Variants in COL27A1 observed in about 807,000 individuals in gnomAD.
COL27A1 encodes the protein collagen type XXVII alpha 1 chain, also known as collagen alpha-1(XXVII) chain.
In COL27A1, 106 loss-of-function variants were observed where a neutral mutation model predicts 251.3. The observed-to-expected ratio is 0.42, with a 90% confidence interval of 0.36 to 0.50. COL27A1 has a LOEUF of 0.50. Ranked by LOEUF, COL27A1 falls within the 20% of genes least tolerant of loss-of-function variation. The pLI is 0.00. For synonymous variants in COL27A1, 1,000 were observed against 986.3 expected (o/e 1.01, Z -0.26); for missense variants, 2,325 against 2,522.8 (o/e 0.92, Z 1.68).
chr9:114,256,622 C>T (rs1462055396), intron 27 of COL27A1, among the ~76,000 whole-genome samples: 1 of 152,152 alleles, frequency 6.6e-6, no homozygotes, highest in Non-Finnish European at 1.5e-5. Flanking sequence ...ATTCTGACCT[C>T]CTCCTGCCTT....
intron 12 of COL27A1, among the ~76,000 whole-genome samples, chr9:114,216,151 T>C (rs1830698861): frequency 6.6e-6 from 1 of 152,224 alleles, no homozygotes; most frequent in South Asian, 2.1e-4. Flanking sequence ...AGAGTCTCAC[T>C]CCTTAGCCTT....
At position 114,243,924 on chromosome 9, in the gene COL27A1, CATT is replaced by C. The variant is rs754415233; in HGVS notation, c.2934+365_2934+367del. ...TTGCACCGTTTCTGTTTTTTTCTTT[CATT>C]TTTTTTTTTTTTTTTTTGAGATGGA... On this transcript the variant is annotated intron_variant, in intron 23 of 60. Transcript: ENST00000356083. Among the ~76,000 whole-genome samples, 59 of 138,062 alleles carry C rather than the reference CATT, an allele frequency of 4.3e-4. 4 individuals carry two copies. The highest frequency in any genetic ancestry group is 3.7e-3 in the East Asian group (17 of 4,576). The allele number at this position is 138,062 out of a possible 152,430, so 90.6% of individuals were successfully genotyped here.
rs1364804115 is a variant in COL27A1 at position 114,155,845 on chromosome 9, C to T, written c.-106C>T. 1.1e-5 allele frequency: 10 copies of T among 914,008 alleles called. No homozygotes were observed. The highest frequency in any genetic ancestry group is 7.2e-5 in the African/African-American group (4 of 55,670). 56.6% of individuals were successfully genotyped at this position (914,008 alleles called of 1,614,324 possible). On this transcript the variant is annotated 5_prime_UTR_variant, in exon 1 of 61. Coordinates refer to ENST00000356083, the MANE Select transcript of COL27A1 (RefSeq NM_032888.4). The surrounding 1 kb of genome is among the most constrained non-coding windows in gnomAD (Gnocchi z 5.5). The stretch of plus-strand genomic sequence containing the variant: ...GGGGCTGCGCTGGGGGCGCGGGGGC[C>T]GCGCGCTCTAAGCCGGCCTGGCGCG...
chr9:114,285,590 C>G (rs1240594759), intron 41 of COL27A1, among the ~76,000 whole-genome samples: 1 of 152,188 alleles, frequency 6.6e-6, no homozygotes, highest in East Asian at 1.9e-4. Context: ...CTAACTAAAT[C>G]CTGCTGTTGG....
intron 10 of COL27A1, among the ~76,000 whole-genome samples, chr9:114,207,099 C>A (rs1010729439): frequency 6.6e-6 from 1 of 152,220 alleles, no homozygotes; most frequent in Non-Finnish European, 1.5e-5. Flanking sequence ...GGACCCAAGT[C>A]TTCCGAGGCC....
At chr9:114,161,409 T>C (rs1424152424) in intron 1 of COL27A1, among the ~76,000 whole-genome samples, 2 of 152,112 alleles carry the variant, frequency 1.3e-5, no homozygotes, top group South Asian at 4.1e-4. Context: ...TCTAAGTCCA[T>C]GCCTACGTGA....
intron 4 of COL27A1, among the ~76,000 whole-genome samples, chr9:114,182,605 G>C (rs1828019403): frequency 1.3e-5 from 2 of 152,162 alleles, no homozygotes; most frequent in African/African-American, 4.8e-5. Flanking sequence ...AAGAAGCTGG[G>C]AAGGGCTGAC....
intron 17 of COL27A1, among the ~76,000 whole-genome samples, chr9:114,236,041 C>A (rs997289384): frequency 6.6e-6 from 1 of 152,058 alleles, no homozygotes; most frequent in African/African-American, 2.4e-5. Flanking sequence ...TCCTGCTCCC[C>A]GCCTTACAGC....
intron 1 of COL27A1, among the ~76,000 whole-genome samples, chr9:114,158,337 A>C (rs1031954232): frequency 2.0e-5 from 3 of 152,206 alleles, no homozygotes; most frequent in Non-Finnish European, 2.9e-5. Flanking sequence ...TAAGGATGGA[A>C]GAAAACTATC....
At chr9:114,263,845 G>A (rs554856143) in intron 28 of COL27A1, among the ~76,000 whole-genome samples, 2 of 152,146 alleles carry the variant, frequency 1.3e-5, no homozygotes, top group Non-Finnish European at 2.9e-5. Flanking sequence ...GGCTGTATTC[G>A]TTGTACGTCT....
intron 57 of COL27A1, among the ~76,000 whole-genome samples, chr9:114,305,883 A>G (rs1194392332): frequency 5.9e-5 from 9 of 152,016 alleles, no homozygotes; most frequent in Non-Finnish European, 1.3e-4. Context: ...GACCTCCGCC[A>G]CCCCCAGTGG....
intron 17 of COL27A1, among the ~76,000 whole-genome samples, chr9:114,236,391 T>C (rs1328883345): frequency 2.0e-5 from 3 of 152,170 alleles, no homozygotes; most frequent in African/African-American, 7.2e-5. Context: ...TAGGATAAGG[T>C]TGAGGGAGTA....
chr9:114,278,284 GTGTTGA>G (rs1835630220), intron 37 of COL27A1, among the ~76,000 whole-genome samples: 1 of 136,148 alleles, frequency 7.3e-6, no homozygotes, highest in African/African-American at 2.8e-5. Context: ...GATGATGGGG[GTGTTGA>G]TGGTGGTAGT....
chr9:114,195,361 C>A (rs1829045334), intron 6 of COL27A1, among the ~76,000 whole-genome samples: 1 of 88,664 alleles, frequency 1.1e-5, no homozygotes, highest in Non-Finnish European at 2.7e-5. Flanking sequence ...TATACTACCA[C>A]TTGACCCCCA....
intron 36 of COL27A1, chr9:114,272,941 C>T (rs1122440): frequency 0.16 from 24,903 of 152,166 alleles, 2,239 homozygotes; most frequent in African/African-American, 0.2. Context: ...CACCTGTCTG[C>T]ACTTCAGTTG....
rs540948284 is a variant in COL27A1, at chr9:114,244,307, A to C, written c.2934+747A>C. On this transcript the variant is annotated intron_variant, in intron 23 of 60. Transcript: ENST00000356083. ...TATCTCTGGGTGGTGGGACAATAGG[A>C]GATTTTCATTTTCTTCTGTGGGCCT... 2.8e-4 allele frequency among the ~76,000 whole-genome samples: 43 copies of C among 152,206 alleles called. 2 individuals are homozygous for C. The highest frequency in any genetic ancestry group is 8.7e-4 in the African/African-American group (36 of 41,504).
At chr9:114,247,043 C>T (rs1366708508) in intron 24 of COL27A1, among the ~76,000 whole-genome samples, 1 of 152,010 alleles carries the variant, frequency 6.6e-6, no homozygotes, top group Non-Finnish European at 1.5e-5. Flanking sequence ...CTTTGCCAGG[C>T]TGGAAAGGCC....
intron 12 of COL27A1, among the ~76,000 whole-genome samples, chr9:114,211,350 G>A (rs759062166): frequency 2.6e-5 from 4 of 152,198 alleles, no homozygotes; most frequent in Admixed American, 6.5e-5. Context: ...TGCTGTGACC[G>A]GGGGACCTTG....
upstream of COL27A1, among the ~76,000 whole-genome samples, chr9:114,154,115 C>G (rs1400661861): frequency 6.6e-6 from 1 of 152,084 alleles, no homozygotes; most frequent in Admixed American, 6.5e-5. This position sits in a 1 kb window ranked among gnomAD's most constrained non-coding sequence, Gnocchi z 5.8. Context: ...TGAGCCGCCC[C>G]CAGCTCTCGG....
Sources: gnomAD v4.1 joint callset for allele counts (sites outside exome capture counted in the v4.1 genomes callset) on GRCh38, gnomAD v4.1.1 for gene constraint, Gnocchi (gnomAD v3.1) non-coding constraint, MANE v1.5 for transcripts, NCBI Gene and HGNC (gene_info 2026-07-23, HGNC 2026-07-21) for gene names.